The following NPAS3 variants were observed in gnomAD, a reference collection of about 807,000 sequenced individuals.
The protein encoded by NPAS3 is neuronal PAS domain-containing protein 3.
In NPAS3, 14 loss-of-function variants were observed where a neutral mutation model predicts 73.1. The ratio of observed to expected loss-of-function variants is 0.19; its 90% confidence interval spans 0.13 to 0.30. The LOEUF is 0.30. Among genes scored for constraint, NPAS3 ranks in the 10% least tolerant of loss-of-function variants. NPAS3 has a pLI of 1.00. For missense variants in NPAS3, 1,096 were observed against 1,250.0 expected, an observed-to-expected ratio of 0.88 and a Z score of 1.86; for synonymous variants, 620 against 541.5, an observed-to-expected ratio of 1.14 and a Z score of -2.01.
intron 4 of NPAS3, among the ~76,000 whole-genome samples, chr14:33,548,534 G>C (rs10130910): frequency 0.25 from 37,789 of 152,068 alleles, 5,282 homozygotes; most frequent in African/African-American, 0.38. Flanking sequence ...CTAGATTATT[G>C]GTACAGCAAA....
chr14:33,674,533 C>T (rs996128780), intron 5 of NPAS3, among the ~76,000 whole-genome samples: 16 of 152,246 alleles, frequency 1.1e-4, no homozygotes, highest in Admixed American at 2.0e-4. Flanking sequence ...AGAGGCAAGG[C>T]GCACATTAAA....
intron 6 of NPAS3, among the ~76,000 whole-genome samples, chr14:33,726,183 C>T (rs1414593803): frequency 6.6e-6 from 1 of 152,196 alleles, no homozygotes; most frequent in Non-Finnish European, 1.5e-5. Context: ...TTCACTGTAT[C>T]CTTATCCCAC....
At chr14:33,292,717 G>A (rs1171622209) in intron 3 of NPAS3, among the ~76,000 whole-genome samples, 1 of 152,054 alleles carries the variant, frequency 6.6e-6, no homozygotes, top group African/African-American at 2.4e-5. Flanking sequence ...TGTTGGAGGG[G>A]GAGTCCGCAT....
At chr14:32,989,660 ACAACAAC>A (rs978599456) in intron 1 of NPAS3, among the ~76,000 whole-genome samples, 4 of 121,970 alleles carry the variant, frequency 3.3e-5, no homozygotes, top group South Asian at 2.3e-4. Context: ...AACAACAACA[ACAACAAC>A]AACAAAACAA....
chr14:33,268,505 G>C (rs1484530539), intron 3 of NPAS3, among the ~76,000 whole-genome samples: 1 of 151,994 alleles, frequency 6.6e-6, no homozygotes, highest in Non-Finnish European at 1.5e-5. Flanking sequence ...ATGTTTATTT[G>C]CTATGGATTT....
chr14:32,988,242 G>A (rs1293086837), intron 1 of NPAS3, among the ~76,000 whole-genome samples: 2 of 152,060 alleles, frequency 1.3e-5, no homozygotes, highest in African/African-American at 2.4e-5. Context: ...TGGTAATCTT[G>A]TAACTGAAAA....
At chr14:32,977,460 A>T (rs1266490042) in intron 1 of NPAS3, among the ~76,000 whole-genome samples, 1 of 152,086 alleles carries the variant, frequency 6.6e-6, no homozygotes, top group Non-Finnish European at 1.5e-5. Flanking sequence ...GGCTGGGCAT[A>T]GTGGCTCACC....
At chr14:33,034,789 A>G (rs902173004) in intron 1 of NPAS3, among the ~76,000 whole-genome samples, 1 of 152,110 alleles carries the variant, frequency 6.6e-6, no homozygotes, top group African/African-American at 2.4e-5. Context: ...TCATTTCATA[A>G]ATGAGAAAAC....
intron 3 of NPAS3, among the ~76,000 whole-genome samples, chr14:33,303,727 G>A (rs17100626): frequency 0.28 from 42,718 of 152,094 alleles, 6,094 homozygotes; most frequent in Middle Eastern, 0.35. Context: ...TTTTGAGAAA[G>A]GAAGTGAAAC....
At chr14:33,759,103 C>A (rs1211215804) in intron 7 of NPAS3, among the ~76,000 whole-genome samples, 1 of 152,106 alleles carries the variant, frequency 6.6e-6, no homozygotes, top group East Asian at 1.9e-4. Context: ...TGTACAATTT[C>A]CCTCCCACTT....
intron 3 of NPAS3, among the ~76,000 whole-genome samples, chr14:33,332,574 T>C (rs1220625408): frequency 6.6e-6 from 1 of 152,162 alleles, no homozygotes; most frequent in Admixed American, 6.6e-5. Context: ...TAATCCAACG[T>C]AGATTAACCA....
At chr14:33,122,021 G>A (rs2043248857) in intron 2 of NPAS3, among the ~76,000 whole-genome samples, 1 of 152,106 alleles carries the variant, frequency 6.6e-6, no homozygotes. Context: ...AAATTACTGT[G>A]TTAATGTATC....
exon 12 of NPAS3, chr14:33,801,085 G>A: frequency 6.3e-7 from 1 of 1,590,748 alleles, no homozygotes; most frequent in Non-Finnish European, 8.6e-7. Flanking sequence ...ACGCGGCACA[G>A]ACTCTGGAGC....
intron 3 of NPAS3, among the ~76,000 whole-genome samples, chr14:33,329,007 TTTTTCTC>T (rs1555375085): frequency 6.6e-6 from 1 of 152,158 alleles, no homozygotes; most frequent in Non-Finnish European, 1.5e-5. Context: ...TGTAAGGACT[TTTTTCTC>T]TATTTTTTTT....
intron 1 of NPAS3, among the ~76,000 whole-genome samples, chr14:32,999,225 A>G (rs909519690): frequency 6.6e-6 from 1 of 152,120 alleles, no homozygotes; most frequent in Non-Finnish European, 1.5e-5. Context: ...TAAATGTTAT[A>G]TTCCGGCCGG....
intron 5 of NPAS3, among the ~76,000 whole-genome samples, chr14:33,621,795 C>T (rs554545393): frequency 3.3e-5 from 5 of 152,036 alleles, no homozygotes; most frequent in African/African-American, 4.8e-5. Flanking sequence ...TAAGTAAAGG[C>T]GAAATTCACA....
At chr14:33,133,428 G>T (rs557186105) in intron 2 of NPAS3, among the ~76,000 whole-genome samples, 1 of 152,078 alleles carries the variant, frequency 6.6e-6, no homozygotes, top group African/African-American at 2.4e-5. Context: ...CGTTAGGACC[G>T]GTCAGAATTT....
At chr14:33,250,602 A>G (rs1405479412) in intron 3 of NPAS3, among the ~76,000 whole-genome samples, 1 of 152,130 alleles carries the variant, frequency 6.6e-6, no homozygotes, top group Non-Finnish European at 1.5e-5. Context: ...GTTTACTTTG[A>G]CTTGCACCCT....
In NPAS3 at chr14:33,077,774, G is replaced by GTTTTTTTTTTTTTTTTTT. The variant is rs3057435; in HGVS notation, c.140+21795_140+21796insTTTTTTTTTTTTTTTTTT. On this transcript the variant is annotated intron_variant, in intron 2 of 11. Coordinates refer to ENST00000356141, the Ensembl canonical transcript of NPAS3. ...CTTTGCTCAAAACATTGCAGTAAGG[G>GTTTTTTTTTTTTTTTTTT]TTTTTTTTTTTTTTTGCCCCTTTTG... 6.9e-4 allele frequency among the ~76,000 whole-genome samples: 60 copies of GTTTTTTTTTTTTTTTTTT among 87,462 alleles called. 6 individuals carry two copies. Among genetic ancestry groups the GTTTTTTTTTTTTTTTTTT allele is most frequent in the African/African-American group, 8.1e-4 (21 of 25,780 alleles). 57.4% of individuals were successfully genotyped at this position (87,462 alleles called of 152,430 possible).
Sources: gnomAD v4.1 joint callset for allele counts (sites outside exome capture counted in the v4.1 genomes callset) on GRCh38, gnomAD v4.1.1 for gene constraint, MANE v1.5 for transcripts, NCBI Gene and HGNC (gene_info 2026-07-23, HGNC 2026-07-21) for gene names.